The following PI4KB variants were observed in gnomAD, a reference collection of about 807,000 sequenced individuals.
PI4KB encodes phosphatidylinositol 4-kinase beta, also known as PtdIns 4-kinase beta.
In PI4KB, 23 loss-of-function variants were observed where a neutral mutation model predicts 81.4. That is an observed-to-expected ratio of 0.28 (90% confidence interval 0.20 to 0.40). The LOEUF is 0.40. PI4KB is among the 10% of genes least tolerant of loss of function. PI4KB has a pLI of 1.00. For synonymous variants in PI4KB, 381 were observed against 406.8 expected, an observed-to-expected ratio of 0.94 and a Z score of 0.76; for missense variants, 651 against 1,036.6, an observed-to-expected ratio of 0.63 and a Z score of 5.11.
rs573202178 is a variant in PI4KB, at chr1:151,317,623, G to C, written c.-28-1114C>G. 3.3e-5 allele frequency among the ~76,000 whole-genome samples: 5 copies of C among 152,278 alleles called. No individual in the cohort carries two copies. The South Asian group carries it at 1.0e-3, about 32-fold the overall frequency. The stretch of plus-strand genomic sequence containing the variant: ...GAGCCACCATGCCTGGTGATTTACA[G>C]ATTCTTCGGGTAGACTGAGAAGCAA... On this transcript the variant is annotated intron_variant, in intron 1 of 11. Transcript: ENST00000368873.
rs1649608152 is a variant in PI4KB, at chr1:151,326,353, T to C, written c.-29+918A>G. On this transcript the variant is annotated intron_variant, in intron 1 of 11. Transcript: ENST00000368873. ...CCTGCTCACAACACATTTTTCTTCT[T>C]AGTTCAAGGTTTAGTTGATCCTGAA... is the stretch of plus-strand genomic sequence containing the variant. 2.7e-5 allele frequency: 16 copies of C among 601,828 alleles called. No homozygotes were observed. The South Asian group carries it at 3.3e-4, about 12-fold the overall frequency. The allele number at this position is 601,828 out of a possible 1,614,324, so 37.3% of individuals were successfully genotyped here. A position where few individuals can be genotyped will look rare whatever the true frequency, so the allele number is the denominator to read the frequency against.
chr1:151,310,793 T>C (rs1696156011), intron 2 of PI4KB, among the ~76,000 whole-genome samples: 1 of 152,240 alleles, frequency 6.6e-6, no homozygotes, highest in African/African-American at 2.4e-5. Flanking sequence ...TCTTCTCTAA[T>C]TAGCCTCATT....
At chr1:151,293,086 T>A in intron 11 of PI4KB, 53 bp from the exon 12 acceptor site, 1 of 1,596,018 alleles carries the variant, frequency 6.3e-7, no homozygotes, top group Admixed American at 1.7e-5. Context: ...GGGGCAGTGG[T>A]GTCAGCCATA....
chr1:151,307,584 G>A lies in PI4KB; in HGVS notation c.1172C>T (p.Ser391Phe), dbSNP rs1695883426. 6.2e-7 allele frequency: 1 copy of A among 1,609,820 alleles called. No individual in the cohort carries two copies. Residue 391 changes from serine to phenylalanine, a missense_variant, in exon 4 of 12, where the codon TCC becomes TTC. Around this residue, in one of 5 missense-constraint regions of PI4KB, gnomAD observed 246 missense variants for 430.1 expected, o/e 0.57. Coordinates refer to ENST00000368873, the MANE Select transcript of PI4KB (RefSeq NM_001369623.2). Reference protein sequence around the residue: ...VPHTQAVVLNSKDKAPYLIYV... With the variant: ...VPHTQAVVLNFKDKAPYLIYV... ...CCAGAACCCATCTACCTTGTCCTTG[G>A]AGTTGAGGACAACAGCCTGTGTGTG... is the stretch of plus-strand genomic sequence containing the variant.
Position 151,304,343 on chromosome 1 carries a change from GT to G in PI4KB, c.1411-694del, listed in dbSNP as rs587741967. ...TTGGCAAAGTGAAACCTGGCTGTGT[GT>G]TTTTTTTTTTTTTTTTTAGACGGAG... On this transcript the variant is annotated intron_variant, in intron 5 of 11. Coordinates refer to ENST00000368873, the MANE Select transcript of PI4KB (RefSeq NM_001369623.2). Among the ~76,000 whole-genome samples, 379 of 135,222 alleles carry G rather than the reference GT, an allele frequency of 2.8e-3. No individual in the cohort carries two copies. In the East Asian group the frequency reaches 0.029, roughly 10 times the overall value. The allele number at this position is 135,222 out of a possible 152,430, so 88.7% of individuals were successfully genotyped here.
At chr1:151,320,966 G>A (rs1181851198) in intron 1 of PI4KB, among the ~76,000 whole-genome samples, 1 of 152,208 alleles carries the variant, frequency 6.6e-6, no homozygotes, top group African/African-American at 2.4e-5. Context: ...GACCTCACTA[G>A]AAAATTTAGC....
chr1:151,320,414 C>T (rs750489972), intron 1 of PI4KB, among the ~76,000 whole-genome samples: 3 of 152,162 alleles, frequency 2.0e-5, no homozygotes, highest in African/African-American at 4.8e-5. Context: ...TGCAGAAAGA[C>T]GGATGGGGAA....
At chr1:151,295,844 C>T (rs587731908) in intron 9 of PI4KB, among the ~76,000 whole-genome samples, 174 of 152,332 alleles carry the variant, frequency 1.1e-3, no homozygotes, top group African/African-American at 4.1e-3. Context: ...GCTTCCCTGC[C>T]ACCCATTTAC....
intron 2 of PI4KB, among the ~76,000 whole-genome samples, chr1:151,313,598 TCCAACC>T (rs1647444682): frequency 6.6e-6 from 1 of 152,358 alleles, no homozygotes; most frequent in South Asian, 2.1e-4. Context: ...GAGACAGCTA[TCCAACC>T]CTTCATGTTC....
At chr1:151,308,880 A>G (rs1298373475) in intron 3 of PI4KB, among the ~76,000 whole-genome samples, 1 of 152,146 alleles carries the variant, frequency 6.6e-6, no homozygotes, top group East Asian at 1.9e-4. Flanking sequence ...TTCTGGATTG[A>G]GAGAATTTCT....
At chr1:151,319,163 A>G (rs1370132857) in intron 1 of PI4KB, among the ~76,000 whole-genome samples, 1 of 152,206 alleles carries the variant, frequency 6.6e-6, no homozygotes, top group East Asian at 1.9e-4. Context: ...TCTTTGATAC[A>G]TAGTAGTACT....
chr1:151,301,713 T>C lies in PI4KB; in HGVS notation c.1749+131A>G, dbSNP rs587684724. On this transcript the variant is annotated intron_variant, in intron 8 of 11. Coordinates refer to ENST00000368873, the MANE Select transcript of PI4KB (RefSeq NM_001369623.2). Reference sequence around the variant, plus strand: ...CACCCGGCCATAATTTTTGTATTTTTAGTAGAGACAGGGTTTCACCATCTT... The same window carrying C: ...CACCCGGCCATAATTTTTGTATTTTCAGTAGAGACAGGGTTTCACCATCTT... The C allele has an allele frequency of 5.7e-5, 44 of 777,250 alleles. 1 individual carries two copies. In the South Asian group the frequency reaches 6.7e-4, roughly 12 times the overall value. 48.1% of individuals were successfully genotyped at this position (777,250 alleles called of 1,614,324 possible). A position where few individuals can be genotyped will look rare whatever the true frequency, so the allele number is the denominator to read the frequency against.
chr1:151,326,118 G>A (rs539434730), intron 1 of PI4KB: 14 of 1,541,088 alleles, frequency 9.1e-6, no homozygotes, highest in South Asian at 4.5e-5. Context: ...ACTCTATTCT[G>A]TGATTCCTTT....
chr1:151,312,086 A>T (rs1300168194), intron 2 of PI4KB, among the ~76,000 whole-genome samples: 1 of 152,218 alleles, frequency 6.6e-6, no homozygotes, highest in Non-Finnish European at 1.5e-5. Flanking sequence ...GGCTTTGAGG[A>T]GCAGTGGTGG....
intron 1 of PI4KB, among the ~76,000 whole-genome samples, chr1:151,323,598 A>G (rs1445477819): frequency 1.4e-5 from 2 of 140,720 alleles, no homozygotes; most frequent in Admixed American, 7.0e-5. Context: ...GGTGGCGGGC[A>G]CCTGTAATCC....
rs1357021087 is a variant in PI4KB, at chr1:151,301,762, G to A, written c.1749+82C>T. 4 of 1,366,368 alleles carry A rather than the reference G, an allele frequency of 2.9e-6. No individual in the cohort carries two copies. In the Admixed American group the frequency reaches 5.6e-5, roughly 19 times the overall value. 84.6% of individuals were successfully genotyped at this position (1,366,368 alleles called of 1,614,324 possible). Reference sequence around the variant, plus strand: ...TTGGCCAGGCTGATCTTGAACTCCCGACTTTGTAATCCACCCGCCTCGGCC... The same window carrying A: ...TTGGCCAGGCTGATCTTGAACTCCCAACTTTGTAATCCACCCGCCTCGGCC... On this transcript the variant is annotated intron_variant, in intron 8 of 11. Coordinates refer to ENST00000368873, the MANE Select transcript of PI4KB (RefSeq NM_001369623.2).
At position 151,327,329 on chromosome 1, in the gene PI4KB, C is replaced by G. The variant is rs1649806465; in HGVS notation, c.-87G>C. ...GTCGCGGTTGGACTGCCGACACTGC[C>G]GCCTCAGCAGCAGCGACCGCTCCCG... is the stretch of plus-strand genomic sequence containing the variant. On this transcript the variant is annotated 5_prime_UTR_variant, in exon 1 of 12. Transcript: ENST00000368873. 1 of 397,480 alleles carries G rather than the reference C, an allele frequency of 2.5e-6. No homozygotes were observed. The highest frequency in any genetic ancestry group is 3.6e-5 in the East Asian group (1 of 27,940). The allele number at this position is 397,480 out of a possible 1,614,324, so 24.6% of individuals were successfully genotyped here.
At chr1:151,305,693 T>C (rs993314119) in intron 5 of PI4KB, among the ~76,000 whole-genome samples, 10 of 152,214 alleles carry the variant, frequency 6.6e-5, no homozygotes, top group African/African-American at 1.9e-4. Context: ...CCTTGTTCTC[T>C]TTCCAGTTAG....
At chr1:151,301,777 C>T (rs1198092548) in intron 8 of PI4KB, 67 bp downstream of exon 8, 3 of 1,487,712 alleles carry the variant, frequency 2.0e-6, no homozygotes, top group African/African-American at 1.4e-5. Flanking sequence ...TGTAATCCAC[C>T]CGCCTCGGCC....
Sources: allele counts gnomAD v4.1 joint callset (sites outside exome capture counted in the v4.1 genomes callset), GRCh38; gene constraint gnomAD v4.1.1; regional missense constraint gnomAD v4.1.1; transcripts MANE v1.5; gene names NCBI Gene and HGNC (gene_info 2026-07-23, HGNC 2026-07-21).